Variants in CNTN5 observed in about 807,000 individuals in gnomAD.
CNTN5 encodes the protein contactin-5.
A neutral mutation model predicts 129.1 loss-of-function variants in CNTN5; 77 were observed. That is an observed-to-expected ratio of 0.60 (90% CI 0.50 to 0.72). The LOEUF is 0.72. Ranked by LOEUF, CNTN5 falls within the 30% of genes least tolerant of loss-of-function variation. The pLI is 0.00. For missense variants in CNTN5, 1,478 were observed against 1,328.8 expected (o/e 1.11, Z -1.75); for synonymous variants, 509 against 465.6 (o/e 1.09, Z -1.20).
At position 99,895,067 on chromosome 11, in the gene CNTN5, A is replaced by G. The variant is rs143716464; in HGVS notation, c.578-20987A>G. On this transcript the variant is annotated intron_variant, in intron 6 of 24. Coordinates refer to ENST00000524871, the MANE Select transcript of CNTN5 (RefSeq NM_014361.4). Reference sequence around the variant, plus strand: ...AGGCACATCGCATTTGAATTATATAACCCCAGTGGATAAAGTGCTAAAGGT... The same window carrying G: ...AGGCACATCGCATTTGAATTATATAGCCCCAGTGGATAAAGTGCTAAAGGT... Among the ~76,000 whole-genome samples the G allele has an allele frequency of 1.4e-4, 21 of 152,346 alleles. No homozygotes were observed. In the East Asian group the frequency reaches 4.1e-3, roughly 29 times the overall value.
intron 3 of CNTN5, among the ~76,000 whole-genome samples, chr11:99,590,670 C>A (rs1347284301): frequency 1.3e-5 from 2 of 152,094 alleles, no homozygotes; most frequent in Non-Finnish European, 1.5e-5. Context: ...ATAGCAAATG[C>A]AAAGGCTATG....
chr11:99,354,881 G>T (rs1291311502), intron 2 of CNTN5, among the ~76,000 whole-genome samples: 1 of 152,168 alleles, frequency 6.6e-6, no homozygotes, highest in African/African-American at 2.4e-5. Context: ...ATGGCCCAGA[G>T]AAAATTCACA....
chr11:99,417,478 G>A (rs772625805), intron 2 of CNTN5, among the ~76,000 whole-genome samples: 11 of 152,110 alleles, frequency 7.2e-5, no homozygotes, highest in African/African-American at 2.7e-4. Flanking sequence ...TTAAGTTTTT[G>A]CTAGAAATGC....
At chr11:99,616,398 T>C (rs1235668571) in intron 3 of CNTN5, among the ~76,000 whole-genome samples, 3 of 152,216 alleles carry the variant, frequency 2.0e-5, no homozygotes, top group Non-Finnish European at 4.4e-5. Flanking sequence ...TTCTCTTAAC[T>C]ATAATGTGAG....
chr11:99,252,227 G>A (rs568932321), intron 1 of CNTN5, among the ~76,000 whole-genome samples: 89 of 151,640 alleles, frequency 5.9e-4, no homozygotes, highest in Non-Finnish European at 1.0e-3. Context: ...CTTTTTATGC[G>A]GATTAGATCA....
intron 3 of CNTN5, among the ~76,000 whole-genome samples, chr11:99,667,006 TTAA>T (rs1490360381): frequency 7.9e-5 from 12 of 152,090 alleles, no homozygotes; most frequent in East Asian, 3.9e-4. Context: ...TTATAATGCT[TTAA>T]TAATAATTAG....
intron 1 of CNTN5, among the ~76,000 whole-genome samples, chr11:99,042,030 T>C (rs1246991282): frequency 6.6e-6 from 1 of 152,116 alleles, no homozygotes; most frequent in Non-Finnish European, 1.5e-5. Flanking sequence ...GAATATCATT[T>C]CTCTAGAAAT....
At chr11:100,051,181 A>C (rs910943414) in intron 9 of CNTN5, among the ~76,000 whole-genome samples, 1 of 152,058 alleles carries the variant, frequency 6.6e-6, no homozygotes, top group African/African-American at 2.4e-5. Context: ...AAAGAACTCT[A>C]CCAACCAACA....
chr11:99,889,433 C>T (rs1317933947), intron 6 of CNTN5, among the ~76,000 whole-genome samples: 5 of 149,456 alleles, frequency 3.3e-5, no homozygotes, highest in African/African-American at 1.2e-4. Context: ...TAAATATTGA[C>T]ACATAAAATA....
intron 13 of CNTN5, among the ~76,000 whole-genome samples, chr11:100,166,735 T>C (rs1591344659): frequency 8.6e-6 from 1 of 116,124 alleles, no homozygotes; most frequent in Non-Finnish European, 1.9e-5. Context: ...TGTTAATGAC[T>C]TTTAATTTGT....
At position 99,987,682 on chromosome 11, in the gene CNTN5, G is replaced by A. The variant is rs145152194; in HGVS notation, c.878-14352G>A. 2.5e-3 allele frequency among the ~76,000 whole-genome samples: 387 copies of A among 152,012 alleles called. 4 individuals are homozygous for A. Among genetic ancestry groups the A allele is most frequent in the African/African-American group, 8.9e-3 (371 of 41,506 alleles). On this transcript the variant is annotated intron_variant, in intron 8 of 24. Coordinates refer to ENST00000524871, the MANE Select transcript of CNTN5 (RefSeq NM_014361.4). ...GTAGAACTTAATTGACTACAAAATT[G>A]GGAATGGGTAAATAAATTCTTCCTT...
In CNTN5 at chr11:99,819,738, C is replaced by A. The variant is rs751415795; in HGVS notation, c.250C>A (p.His84Asn). The change falls in exon 4 of 25, where the codon CAT becomes AAT. Residue 84 changes from histidine to asparagine, a missense_variant. His to Asn is a moderately conservative substitution (Grantham distance 68, BLOSUM62 1). Coordinates refer to ENST00000524871, the MANE Select transcript of CNTN5 (RefSeq NM_014361.4). The part of the protein sequence containing the change: ...QNYYSPINLY[H>N]SSDAFKQDES... ...TTATTATTCCCCCATCAATCTTTATCATTCCTCAGATGCCTTCAAACAAGA... is the reference window on the plus strand; with the variant it reads ...TTATTATTCCCCCATCAATCTTTATAATTCCTCAGATGCCTTCAAACAAGA... 6.2e-7 allele frequency: 1 copy of A among 1,605,316 alleles called. No individual in the cohort carries two copies. The highest frequency in any genetic ancestry group is 1.1e-5 in the South Asian group (1 of 90,466).
intron 2 of CNTN5, among the ~76,000 whole-genome samples, chr11:99,499,337 G>A (rs1312371780): frequency 1.3e-5 from 2 of 152,092 alleles, no homozygotes; most frequent in Non-Finnish European, 2.9e-5. Context: ...GAGGTTATAA[G>A]GCCATGAGGA....
intron 3 of CNTN5, among the ~76,000 whole-genome samples, chr11:99,665,368 C>T (rs965590536): frequency 1.3e-5 from 2 of 151,210 alleles, no homozygotes; most frequent in African/African-American, 4.9e-5. Context: ...AGAAACGTAA[C>T]CAGAGAGCAA....
intron 13 of CNTN5, among the ~76,000 whole-genome samples, chr11:100,139,277 T>C (rs1040381905): frequency 6.6e-6 from 1 of 152,062 alleles, no homozygotes; most frequent in Non-Finnish European, 1.5e-5. Flanking sequence ...GTGAAAGAAA[T>C]TGTAGAAGTA....
chr11:100,078,045 A>G (rs1207284539), intron 13 of CNTN5, among the ~76,000 whole-genome samples: 1 of 152,124 alleles, frequency 6.6e-6, no homozygotes, highest in Non-Finnish European at 1.5e-5. Flanking sequence ...TTAACTCTAA[A>G]TTGTAAATAA....
chr11:99,094,187 T>A (rs1369127048), intron 1 of CNTN5, among the ~76,000 whole-genome samples: 1 of 151,960 alleles, frequency 6.6e-6, no homozygotes, highest in Non-Finnish European at 1.5e-5. Context: ...TCTATCATTC[T>A]CACAAAAGTA....
intron 13 of CNTN5, among the ~76,000 whole-genome samples, chr11:100,179,221 C>T (rs576054083): frequency 6.6e-6 from 1 of 151,990 alleles, no homozygotes; most frequent in South Asian, 2.1e-4. Flanking sequence ...ACCATCATCC[C>T]CTACTCCCAT....
intron 1 of CNTN5, among the ~76,000 whole-genome samples, chr11:99,260,659 C>T (rs985446497): frequency 6.6e-6 from 1 of 151,800 alleles, no homozygotes; most frequent in Non-Finnish European, 1.5e-5. Flanking sequence ...ATTCACAATC[C>T]TCTTGTTTTT....
Sources: gnomAD v4.1 joint callset for allele counts (sites outside exome capture counted in the v4.1 genomes callset) on GRCh38, gnomAD v4.1.1 for gene constraint, MANE v1.5 for transcripts, NCBI Gene and HGNC (gene_info 2026-07-23, HGNC 2026-07-21) for gene names.